The following MARCHF1 variants were observed in gnomAD, a reference collection of about 807,000 sequenced individuals.
MARCHF1 encodes E3 ubiquitin-protein ligase MARCHF1.
Under a neutral mutation model 54.2 loss-of-function variants are expected in MARCHF1, and 40 were observed. That is an observed-to-expected ratio of 0.74 (90% confidence interval 0.57 to 0.96). The LOEUF (loss-of-function observed/expected upper bound fraction) is 0.96. MARCHF1 is among the 40% of genes least tolerant of loss of function. MARCHF1 has a pLI of 0.00. For missense variants in MARCHF1, 586 were observed against 656.5 expected (o/e 0.89, Z 1.17); for synonymous variants, 236 against 236.3 (o/e 1.00, Z 0.01).
rs772664329 is a variant in MARCHF1 at position 163,769,878 on chromosome 4, C to T, written c.112-69015G>A. On this transcript the variant is annotated intron_variant, in intron 4 of 9. Transcript: ENST00000514618. The stretch of plus-strand genomic sequence containing the variant: ...CCTTGAGCCACAAAGGTATGAACTA[C>T]GTTGATCCACTTATATGTGCATTTT... 5.9e-5 allele frequency among the ~76,000 whole-genome samples: 9 copies of T among 152,188 alleles called. 1 individual carries two copies. Among genetic ancestry groups the T allele is most frequent in the Non-Finnish European group, 5.9e-5 (4 of 67,968 alleles).
chr4:164,226,657 ATG>A (rs767531725), intron 1 of MARCHF1, among the ~76,000 whole-genome samples: 2 of 151,736 alleles, frequency 1.3e-5, no homozygotes, highest in South Asian at 4.1e-4. Context: ...ATTTGTGTGT[ATG>A]TGTGTGTGTA....
intron 1 of MARCHF1, among the ~76,000 whole-genome samples, chr4:164,199,741 G>GA (rs1265164071): frequency 2.0e-5 from 3 of 150,536 alleles, no homozygotes; most frequent in Admixed American, 6.6e-5. Context: ...TAAAAGAAGA[G>GA]AAAAAAATCA....
At chr4:163,693,047 G>T (rs1331700449) in intron 5 of MARCHF1, among the ~76,000 whole-genome samples, 1 of 151,442 alleles carries the variant, frequency 6.6e-6, no homozygotes, top group Non-Finnish European at 1.5e-5. Flanking sequence ...TTGCAAAACA[G>T]ATAGGAGGTA....
rs116411926 is a variant in MARCHF1 at position 163,724,785 on chromosome 4, G to A, written c.112-23922C>T. 7.6e-3 allele frequency among the ~76,000 whole-genome samples: 1,158 copies of A among 152,264 alleles called. 8 individuals carry two copies. The highest frequency in any genetic ancestry group is 0.022 in the South Asian group (104 of 4,820). ...CTGTGCTAGCAATGAATGAGAATCCGCGGGCGTGGGACCCTCCAAGCCATG... is the reference window on the plus strand; with the variant it reads ...CTGTGCTAGCAATGAATGAGAATCCACGGGCGTGGGACCCTCCAAGCCATG... On this transcript the variant is annotated intron_variant, in intron 4 of 9. Transcript: ENST00000514618.
chr4:163,548,504 C>G (rs10517783), intron 8 of MARCHF1, among the ~76,000 whole-genome samples: 83,927 of 152,096 alleles, frequency 0.55, 23,664 homozygotes, highest in Admixed American at 0.68. Flanking sequence ...TGTAAAGATT[C>G]ATCTAGTTCC....
intron 2 of MARCHF1, among the ~76,000 whole-genome samples, chr4:164,091,880 GTGTGT>G (rs1306449533): frequency 7.3e-5 from 11 of 151,574 alleles, no homozygotes; most frequent in Non-Finnish European, 8.8e-5. Context: ...GTGTGTGTGT[GTGTGT>G]GTGTGTGTGT....
rs569491852 is a variant in MARCHF1, at chr4:163,958,001, G to T, written c.-39+30500C>A. 2.0e-5 allele frequency among the ~76,000 whole-genome samples: 3 copies of T among 152,090 alleles called. No individual in the cohort carries two copies. In the East Asian group the frequency reaches 5.8e-4, roughly 29 times the overall value. ...ATTCACATTTAGAATAAAAAACAGA[G>T]CCTTACAATAAGAGCCCGAAAGACT... is the stretch of plus-strand genomic sequence containing the variant. On this transcript the variant is annotated intron_variant, in intron 3 of 9. Coordinates refer to ENST00000514618, the MANE Select transcript of MARCHF1 (RefSeq NM_001394959.1).
At chr4:163,637,218 A>C (rs1433327608) in intron 5 of MARCHF1, among the ~76,000 whole-genome samples, 1 of 152,168 alleles carries the variant, frequency 6.6e-6, no homozygotes. Context: ...ACCAAAAGCA[A>C]TGGCAACAAA....
chr4:164,350,853 G>A (rs144187825), intron 1 of MARCHF1, among the ~76,000 whole-genome samples: 9 of 51,154 alleles, frequency 1.8e-4, no homozygotes, highest in Non-Finnish European at 5.4e-4. Flanking sequence ...CTGAGGTACC[G>A]CATTCATCTC....
At chr4:164,262,129 T>C (rs1434127623) in intron 1 of MARCHF1, among the ~76,000 whole-genome samples, 1 of 140,074 alleles carries the variant, frequency 7.1e-6, no homozygotes, top group South Asian at 2.2e-4. Flanking sequence ...AAAAAAAGAA[T>C]AGAGAGAATG....
rs1368547364 is a variant in MARCHF1, at chr4:163,613,056, C to T, written c.243-18G>A. 6.9e-7 allele frequency: 1 copy of T among 1,454,972 alleles called. No homozygotes were observed. Among genetic ancestry groups the T allele is most frequent in the East Asian group, 2.5e-5 (1 of 40,198 alleles). The allele number at this position is 1,454,972 out of a possible 1,614,324, so 90.1% of individuals were successfully genotyped here. On this transcript the variant is annotated intron_variant, in intron 6 of 9. Transcript: ENST00000514618. ...TGGCAGATCTAGACAGAGCAGCAGGCAAAGGATGGGAAATGGGAATGGAGA... is the reference window on the plus strand; with the variant it reads ...TGGCAGATCTAGACAGAGCAGCAGGTAAAGGATGGGAAATGGGAATGGAGA...
chr4:163,770,474 G>C (rs1366321954), intron 4 of MARCHF1, among the ~76,000 whole-genome samples: 1 of 151,444 alleles, frequency 6.6e-6, no homozygotes, highest in Non-Finnish European at 1.5e-5. Context: ...ATTAGTACTG[G>C]TACATAACAT....
chr4:163,610,469 C>A (rs894818200), intron 7 of MARCHF1, among the ~76,000 whole-genome samples: 2 of 151,992 alleles, frequency 1.3e-5, no homozygotes, highest in African/African-American at 4.8e-5. Context: ...TAAGGAGAAC[C>A]AGTCACTACG....
chr4:163,992,061 CAAAAAAAAAAA>C (rs544389591), intron 2 of MARCHF1, among the ~76,000 whole-genome samples: 1 of 52,862 alleles, frequency 1.9e-5, no homozygotes. Flanking sequence ...TTGTCAGCTG[CAAAAAAAAAAA>C]AAAAAAAAAA....
intron 1 of MARCHF1, among the ~76,000 whole-genome samples, chr4:164,142,141 A>T (rs1199396912): frequency 2.0e-5 from 3 of 152,192 alleles, no homozygotes; most frequent in Non-Finnish European, 4.4e-5. Context: ...CACCTGGAGA[A>T]TATATCCTGC....
At chr4:164,028,574 G>A (rs1031273963) in intron 2 of MARCHF1, among the ~76,000 whole-genome samples, 5 of 152,134 alleles carry the variant, frequency 3.3e-5, no homozygotes, top group Non-Finnish European at 7.4e-5. Flanking sequence ...ACTACTAGAA[G>A]GGGTAGGGAA....
chr4:163,852,704 T>C (rs569056373), intron 4 of MARCHF1, among the ~76,000 whole-genome samples: 11 of 152,312 alleles, frequency 7.2e-5, no homozygotes, highest in Admixed American at 5.9e-4. Flanking sequence ...TCTCTTTCTA[T>C]GTTTTATCAA....
At chr4:164,064,016 C>T (rs1041017904) in intron 2 of MARCHF1, among the ~76,000 whole-genome samples, 2 of 152,118 alleles carry the variant, frequency 1.3e-5, no homozygotes, top group Non-Finnish European at 2.9e-5. Flanking sequence ...TTCCATTGGT[C>T]TGTGTGTCTG....
intron 1 of MARCHF1, among the ~76,000 whole-genome samples, chr4:164,251,676 T>C (rs1157932705): frequency 6.6e-6 from 1 of 152,192 alleles, no homozygotes; most frequent in Non-Finnish European, 1.5e-5. Flanking sequence ...ACAGTGATTT[T>C]GAAAATTCAA....
Sources: gnomAD v4.1 joint callset for allele counts (sites outside exome capture counted in the v4.1 genomes callset) on GRCh38, gnomAD v4.1.1 for gene constraint, MANE v1.5 for transcripts, NCBI Gene and HGNC (gene_info 2026-07-23, HGNC 2026-07-21) for gene names.